Variants in CC2D2A observed in about 807,000 individuals in gnomAD.
CC2D2A encodes the protein coiled-coil and C2 domain-containing protein 2A.
In CC2D2A, 155 loss-of-function variants were observed where a neutral mutation model predicts 212.9. The observed-to-expected ratio is 0.73, with a 90% CI of 0.64 to 0.83. CC2D2A has a LOEUF of 0.83. Among genes scored for constraint, CC2D2A ranks in the 40% least tolerant of loss-of-function variants. The probability of loss-of-function intolerance (pLI) is 0.00; values close to 1 mark genes in which losing one functional copy is unlikely to be tolerated. For missense variants in CC2D2A, 1,856 were observed against 1,956.2 expected (o/e 0.95, Z 0.97); for synonymous variants, 667 against 686.5 (o/e 0.97, Z 0.44).
chr4:15,563,377 A>G lies in CC2D2A; in HGVS notation c.3037A>G (p.Lys1013Glu), dbSNP rs1719710753. 2 of 1,605,078 alleles carry G rather than the reference A, an allele frequency of 1.2e-6. No homozygotes were observed. The highest frequency in any genetic ancestry group is 1.3e-5 in the African/African-American group (1 of 74,758). The change falls in exon 24 of 37, where the codon AAG becomes GAG. Residue 1013 changes from lysine (K) to glutamate (E), a missense_variant. Physicochemically the swap from Lys to Glu is moderately conservative, Grantham distance 56. Coordinates refer to ENST00000424120, the MANE Select transcript of CC2D2A (RefSeq NM_001378615.1). ...TAGCATTTTGGGCCTAAGCCTTTTC[A>G]AGCTGGCAGAACAAAAGCGACCACT... Reference protein sequence around the residue: ...NISILGLSLFKLAEQKRPLRP... With the variant: ...NISILGLSLFELAEQKRPLRP...
At chr4:15,504,984 T>A (rs1350168765) in intron 6 of CC2D2A, among the ~76,000 whole-genome samples, 1 of 152,148 alleles carries the variant, frequency 6.6e-6, no homozygotes, top group African/African-American at 2.4e-5. Flanking sequence ...GACCTTTGAG[T>A]TTAGCTACTC....
At chr4:15,566,844 G>T (rs188860201) in intron 24 of CC2D2A, among the ~76,000 whole-genome samples, 178 of 152,252 alleles carry the variant, frequency 1.2e-3, no homozygotes, top group African/African-American at 4.1e-3. Context: ...GCATGGTGGA[G>T]TGTGTTTGTA....
At chr4:15,499,266 G>A (rs1182136244) in intron 4 of CC2D2A, among the ~76,000 whole-genome samples, 1 of 152,112 alleles carries the variant, frequency 6.6e-6, no homozygotes, top group East Asian at 1.9e-4. Flanking sequence ...ATGGGTTTTG[G>A]GTGATTGATG....
Position 15,597,730 on chromosome 4 carries a change from T to A in CC2D2A, c.4496+265T>A, listed in dbSNP as rs145908751. Among the ~76,000 whole-genome samples the A allele has an allele frequency of 5.6e-3, 853 of 152,298 alleles. 13 individuals carry two copies. The highest frequency in any genetic ancestry group is 0.02 in the African/African-American group (818 of 41,560). The stretch of plus-strand genomic sequence containing the variant: ...CTTCACCTTGGATTGGAGTTTAACA[T>A]CATGTTATAGGTGTTGTTGAGGCAC... On this transcript the variant is annotated intron_variant, in intron 35 of 36. Coordinates refer to ENST00000424120, the MANE Select transcript of CC2D2A (RefSeq NM_001378615.1).
At position 15,569,278 on chromosome 4, in the gene CC2D2A, T is replaced by C. The variant is rs181612746; in HGVS notation, c.3399-15T>C. On this transcript the variant is annotated splice_polypyrimidine_tract_variant and intron_variant, in intron 26 of 36. Coordinates refer to ENST00000424120, the MANE Select transcript of CC2D2A (RefSeq NM_001378615.1). ...TGCCTATTTTCACAGTCCCTGGTCA[T>C]GTGCTGTCTTGCAGGGCTCCTAATG... 254 of 1,474,234 alleles carry C rather than the reference T, an allele frequency of 1.7e-4. 1 individual carries two copies. Among genetic ancestry groups the C allele is most frequent in the East Asian group, 1.3e-3 (55 of 42,156 alleles). The allele number at this position is 1,474,234 out of a possible 1,614,324, so 91.3% of individuals were successfully genotyped here. A position where few individuals can be genotyped will look rare whatever the true frequency, so the allele number is the denominator to read the frequency against.
intron 4 of CC2D2A, among the ~76,000 whole-genome samples, chr4:15,484,731 G>C (rs996160036): frequency 6.6e-6 from 1 of 152,206 alleles, no homozygotes; most frequent in Admixed American, 6.5e-5. Context: ...CCCCAATAGA[G>C]TTTCAGAGAA....
intron 11 of CC2D2A, among the ~76,000 whole-genome samples, chr4:15,520,292 T>G (rs1717131662): frequency 1.3e-5 from 2 of 152,222 alleles, no homozygotes; most frequent in African/African-American, 2.4e-5. Flanking sequence ...AGAAATGTGA[T>G]CCTGGAGGCA....
At chr4:15,584,556 C>G (rs551723791) in intron 30 of CC2D2A, among the ~76,000 whole-genome samples, 41 of 152,118 alleles carry the variant, frequency 2.7e-4, no homozygotes, top group Non-Finnish European at 4.7e-4. Flanking sequence ...TATTAAAAGA[C>G]AATACAAGGG....
At chr4:15,553,095 T>G (rs1381149615) in intron 18 of CC2D2A, 63 bp from the exon 19 acceptor site, 3 of 1,459,456 alleles carry the variant, frequency 2.1e-6, no homozygotes, top group Non-Finnish European at 2.7e-6. Context: ...TCTGCTTTCT[T>G]GCCAGGACTA....
At chr4:15,552,221 T>A (rs566484626) in intron 18 of CC2D2A, among the ~76,000 whole-genome samples, 1 of 152,224 alleles carries the variant, frequency 6.6e-6, no homozygotes, top group Non-Finnish European at 1.5e-5. Context: ...AGCTTAGTAA[T>A]AATTAACATG....
chr4:15,555,601 C>T (rs774165276), intron 20 of CC2D2A, among the ~76,000 whole-genome samples: 6 of 152,094 alleles, frequency 3.9e-5, no homozygotes, highest in African/African-American at 1.2e-4. Context: ...GTGCTTGGCA[C>T]GGTGGCGCAT....
intron 33 of CC2D2A, 116 bp downstream of exon 33, chr4:15,589,795 A>ATATG: frequency 3.5e-6 from 1 of 283,728 alleles, no homozygotes; most frequent in Non-Finnish European, 5.3e-6. Flanking sequence ...ATATATATAT[A>ATATG]TATACACACA....
chr4:15,470,819 T>C (rs1465355330), intron 1 of CC2D2A, among the ~76,000 whole-genome samples: 35 of 151,396 alleles, frequency 2.3e-4, no homozygotes, highest in Admixed American at 2.2e-3. Flanking sequence ...GTTTAGAGTG[T>C]GCAAACATAA....
At chr4:15,591,283 G>A (rs930084850) in intron 33 of CC2D2A, among the ~76,000 whole-genome samples, 11 of 146,046 alleles carry the variant, frequency 7.5e-5, no homozygotes, top group South Asian at 2.2e-4. Context: ...GCAACGGAGC[G>A]ATCTCGGCTC....
chr4:15,502,028 A>ACC (rs1351588475), intron 4 of CC2D2A, among the ~76,000 whole-genome samples: 1 of 152,166 alleles, frequency 6.6e-6, no homozygotes, highest in East Asian at 1.9e-4. Flanking sequence ...TTCATTAGCC[A>ACC]CCCATTCACC....
chr4:15,501,534 C>G (rs541133753), intron 4 of CC2D2A, among the ~76,000 whole-genome samples: 2 of 152,282 alleles, frequency 1.3e-5, no homozygotes, highest in Admixed American at 1.3e-4. Context: ...ATCCCAAAAT[C>G]CTTCTGCAAT....
At chr4:15,592,261 C>T (rs1052015694) in intron 33 of CC2D2A, among the ~76,000 whole-genome samples, 1 of 152,122 alleles carries the variant, frequency 6.6e-6, no homozygotes, top group African/African-American at 2.4e-5. Flanking sequence ...CTAAAATACC[C>T]TTTTCCCAAC....
At chr4:15,579,666 G>C (rs1720567238) in intron 29 of CC2D2A, among the ~76,000 whole-genome samples, 1 of 152,100 alleles carries the variant, frequency 6.6e-6, no homozygotes, top group Non-Finnish European at 1.5e-5. Flanking sequence ...TCATCAATCA[G>C]AATTAGTACA....
intron 11 of CC2D2A, among the ~76,000 whole-genome samples, chr4:15,527,163 A>G (rs1717551126): frequency 6.6e-6 from 1 of 152,242 alleles, no homozygotes; most frequent in African/African-American, 2.4e-5. Context: ...TCTGCATGAA[A>G]AAGATTAGAA....
Sources: allele counts gnomAD v4.1 joint callset (sites outside exome capture counted in the v4.1 genomes callset), GRCh38; gene constraint gnomAD v4.1.1; transcripts MANE v1.5; gene names NCBI Gene and HGNC (gene_info 2026-07-23, HGNC 2026-07-21).